Variants in COMMD10 observed in about 807,000 individuals in gnomAD.
COMMD10 encodes the protein COMM domain-containing protein 10.
A neutral mutation model predicts 28.9 loss-of-function variants in COMMD10; 33 were observed. The ratio of observed to expected loss-of-function variants is 1.14; its 90% CI spans 0.87 to 1.53. The LOEUF is 1.53. Ranked by LOEUF, COMMD10 falls within the 40% of genes most tolerant of loss-of-function variation. The pLI is 0.00. For missense variants in COMMD10, 310 were observed against 233.4 expected, an observed-to-expected ratio of 1.33 and a Z score of -2.14; for synonymous variants, 110 against 81.7, an observed-to-expected ratio of 1.35 and a Z score of -1.87.
rs1456536810 is a variant in COMMD10 at position 116,209,543 on chromosome 5, G to A, written c.510+75365G>A. Among the ~76,000 whole-genome samples, 6 of 152,182 alleles carry A rather than the reference G, an allele frequency of 3.9e-5. No homozygotes were observed. The East Asian group carries it at 7.7e-4, about 20-fold the overall frequency. ...AATAGACCAGGAGCATTAAAAGGACGTATTTGTTTATTCATATGGCTAGTA... is the reference window on the plus strand; with the variant it reads ...AATAGACCAGGAGCATTAAAAGGACATATTTGTTTATTCATATGGCTAGTA... On this transcript the variant is annotated intron_variant, in intron 5 of 6. Coordinates refer to ENST00000274458, the MANE Select transcript of COMMD10 (RefSeq NM_016144.4).
intron 5 of COMMD10, among the ~76,000 whole-genome samples, chr5:116,194,036 A>G (rs944457501): frequency 6.6e-6 from 1 of 152,182 alleles, no homozygotes; most frequent in Non-Finnish European, 1.5e-5. Context: ...ATGCAAATAC[A>G]TGGAAATTAA....
chr5:116,127,369 G>C (rs944245218), intron 4 of COMMD10, among the ~76,000 whole-genome samples: 6 of 152,114 alleles, frequency 3.9e-5, no homozygotes, highest in Non-Finnish European at 7.4e-5. Context: ...ACAGTGTGGC[G>C]ATTCCTCAAA....
intron 5 of COMMD10, among the ~76,000 whole-genome samples, chr5:116,284,087 A>C (rs1051339123): frequency 6.6e-6 from 1 of 151,888 alleles, no homozygotes; most frequent in African/African-American, 2.4e-5. Context: ...AGCTGTGATT[A>C]TACCATTGCA....
intron 5 of COMMD10, among the ~76,000 whole-genome samples, chr5:116,242,587 G>A (rs1174370152): frequency 2.6e-5 from 4 of 152,150 alleles, no homozygotes; most frequent in Non-Finnish European, 5.9e-5. Context: ...TTGAAAAGCA[G>A]CCAGTTTCTG....
intron 4 of COMMD10, among the ~76,000 whole-genome samples, chr5:116,112,137 T>C (rs1234792581): frequency 6.6e-6 from 1 of 152,232 alleles, no homozygotes; most frequent in Non-Finnish European, 1.5e-5. Context: ...GTTAATAATC[T>C]GTCTGGGAAA....
chr5:116,218,414 C>A, intron 5 of COMMD10: 1 of 425,314 alleles, frequency 2.4e-6, no homozygotes, highest in East Asian at 5.1e-5. Context: ...AAATCAACCA[C>A]TCTTAATAGT....
intron 4 of COMMD10, among the ~76,000 whole-genome samples, chr5:116,111,867 T>C (rs1751055067): frequency 1.3e-5 from 2 of 152,324 alleles, no homozygotes; most frequent in South Asian, 4.1e-4. Flanking sequence ...GTGAGTGAGA[T>C]GGTGACGTCC....
intron 5 of COMMD10, among the ~76,000 whole-genome samples, chr5:116,258,175 T>C (rs993719744): frequency 6.6e-6 from 1 of 151,680 alleles, no homozygotes; most frequent in Admixed American, 6.6e-5. Flanking sequence ...GAATAAAAAT[T>C]ACAGTTTGAA....
chr5:116,122,227 A>G (rs1751458365), intron 4 of COMMD10, among the ~76,000 whole-genome samples: 1 of 152,174 alleles, frequency 6.6e-6, no homozygotes, highest in Admixed American at 6.5e-5. Context: ...AGCACCATTT[A>G]TTAAATAGGG....
chr5:116,250,310 AT>A (rs1750073188), intron 5 of COMMD10, among the ~76,000 whole-genome samples: 1 of 151,860 alleles, frequency 6.6e-6, no homozygotes, highest in African/African-American at 2.4e-5. Context: ...ATAACGTGTT[AT>A]CTTTCAGGTA....
chr5:116,211,817 C>A (rs1748973434), intron 5 of COMMD10, among the ~76,000 whole-genome samples: 1 of 152,044 alleles, frequency 6.6e-6, no homozygotes, highest in Admixed American at 6.6e-5. Flanking sequence ...GTCAACTGTT[C>A]ATGAAATATT....
At chr5:116,253,884 C>T (rs1268095396) in intron 5 of COMMD10, among the ~76,000 whole-genome samples, 2 of 150,856 alleles carry the variant, frequency 1.3e-5, no homozygotes, top group Non-Finnish European at 2.9e-5. Context: ...ACTAGTTCCT[C>T]CTTGTACCTC....
intron 5 of COMMD10, among the ~76,000 whole-genome samples, chr5:116,136,618 G>A (rs189107717): frequency 6.6e-6 from 1 of 152,126 alleles, no homozygotes; most frequent in Non-Finnish European, 1.5e-5. Context: ...AAAGAGTAAT[G>A]CTTCTAGTAA....
intron 5 of COMMD10, among the ~76,000 whole-genome samples, chr5:116,191,015 T>G (rs532992140): frequency 1.3e-5 from 2 of 152,242 alleles, no homozygotes; most frequent in South Asian, 2.1e-4. Context: ...TACATAACTT[T>G]CCACAGTTTT....
chr5:116,229,260 G>C (rs1749471094), intron 5 of COMMD10, among the ~76,000 whole-genome samples: 1 of 152,008 alleles, frequency 6.6e-6, no homozygotes, highest in Non-Finnish European at 1.5e-5. Flanking sequence ...TAATGGCTTA[G>C]TCTGATACAG....
intron 5 of COMMD10, among the ~76,000 whole-genome samples, chr5:116,209,336 A>T (rs1342927235): frequency 6.6e-6 from 1 of 152,178 alleles, no homozygotes; most frequent in Non-Finnish European, 1.5e-5. Flanking sequence ...AACAGAAAAG[A>T]TTATCTTAAC....
chr5:116,232,601 TGAGAC>T (rs1749556985), intron 5 of COMMD10, among the ~76,000 whole-genome samples: 2 of 152,054 alleles, frequency 1.3e-5, no homozygotes, highest in Admixed American at 6.6e-5. Context: ...CTCTGGAGGC[TGAGAC>T]AAGAGAATTG....
At chr5:116,264,433 C>A (rs1000360953) in intron 5 of COMMD10, among the ~76,000 whole-genome samples, 2 of 151,862 alleles carry the variant, frequency 1.3e-5, no homozygotes, top group Non-Finnish European at 2.9e-5. Context: ...TTTGACAATT[C>A]ATTTCACAGC....
chr5:116,134,234 T>C (rs868541331), intron 5 of COMMD10, 56 bp downstream of exon 5: 3 of 987,508 alleles, frequency 3.0e-6, no homozygotes, highest in Non-Finnish European at 4.8e-6. Flanking sequence ...ACTTAAACTT[T>C]TTATTCTTAG....
Sources: allele counts gnomAD v4.1 joint callset (sites outside exome capture counted in the v4.1 genomes callset), GRCh38; gene constraint gnomAD v4.1.1; transcripts MANE v1.5; gene names NCBI Gene and HGNC (gene_info 2026-07-23, HGNC 2026-07-21).